SLC9A7: variants seen among roughly 807,000 people sequenced by gnomAD.
The protein encoded by SLC9A7 is sodium/hydrogen exchanger 7.
In SLC9A7, 19 loss-of-function variants were observed where a neutral mutation model predicts 52.6. That is an observed-to-expected ratio of 0.36 (90% confidence interval 0.25 to 0.53). The LOEUF is 0.53. Among genes scored for constraint, SLC9A7 ranks in the 20% least tolerant of loss-of-function variants. SLC9A7 has a pLI of 0.91. For missense variants in SLC9A7, 455 were observed against 597.9 expected, an observed-to-expected ratio of 0.76 and a Z score of 2.49; for synonymous variants, 226 against 252.1, an observed-to-expected ratio of 0.90 and a Z score of 0.98.
In SLC9A7 at chrX:46,646,526, T is replaced by C. The variant is rs1943494637; in HGVS notation, c.1462+2160A>G. The C allele has an allele frequency of 2.1e-5, 4 of 189,656 alleles. No individual in the cohort carries two copies. In the South Asian group the frequency reaches 3.7e-4, roughly 17 times the overall value. The allele number at this position is 189,656 out of a possible 1,213,427, so 15.6% of individuals were successfully genotyped here. On this transcript the variant is annotated intron_variant, in intron 11 of 16. Transcript: ENST00000616978. ...GATGTGGTCAGTGTGACATGTGTAG[T>C]GGGGAGGGGCAGAGGAAGGGACGGG...
intron 5 of SLC9A7, among the ~76,000 whole-genome samples, chrX:46,665,557 C>CAAAAAAAAAAAAA (rs754854403): frequency 4.6e-5 from 1 of 21,775 alleles, no homozygotes; most frequent in African/African-American, 1.4e-4. Context: ...GACTCCATCT[C>CAAAAAAAAAAAAA]AAAAAAAAAA....
At chrX:46,634,163 T>C (rs767289309) in intron 13 of SLC9A7, among the ~76,000 whole-genome samples, 17 of 111,951 alleles carry the variant, frequency 1.5e-4, no homozygotes, top group African/African-American at 5.5e-4. Flanking sequence ...ATTCCCCTGA[T>C]ACATCAGGGC....
At chrX:46,738,783 A>AAAAC (rs980784574) in intron 1 of SLC9A7, among the ~76,000 whole-genome samples, 3 of 108,562 alleles carry the variant, frequency 2.8e-5, no homozygotes, top group South Asian at 7.8e-4. Context: ...AAAAAAAAAC[A>AAAAC]AAACAAACAA....
chrX:46,640,699 C>A (rs1943393095), intron 12 of SLC9A7, among the ~76,000 whole-genome samples: 1 of 112,372 alleles, frequency 8.9e-6, no homozygotes, highest in South Asian at 3.6e-4. Flanking sequence ...AAGAAACAAA[C>A]AATCCAATTT....
chrX:46,626,360 C>T (rs928237054), intron 14 of SLC9A7, among the ~76,000 whole-genome samples: 2 of 109,926 alleles, frequency 1.8e-5, no homozygotes, highest in Non-Finnish European at 3.8e-5. Context: ...CTGCAACCTC[C>T]GCCTCCCGGG....
intron 1 of SLC9A7, among the ~76,000 whole-genome samples, chrX:46,752,142 A>G (rs1922278963): frequency 8.9e-6 from 1 of 112,123 alleles, no homozygotes; most frequent in Admixed American, 9.4e-5. Context: ...TGTTTTCTCT[A>G]TATAGGTGGT....
intron 12 of SLC9A7, among the ~76,000 whole-genome samples, chrX:46,638,478 A>G (rs1476174758): frequency 1.8e-5 from 2 of 112,337 alleles, no homozygotes; most frequent in African/African-American, 6.5e-5. Flanking sequence ...TTCTTTAGAA[A>G]AGATCAATAA....
chrX:46,658,178 A>G (rs1334002125), intron 7 of SLC9A7, among the ~76,000 whole-genome samples: 1 of 105,065 alleles, frequency 9.5e-6, no homozygotes, highest in African/African-American at 3.5e-5. Flanking sequence ...AACCAATGAG[A>G]ACAAAGACAC....
intron 1 of SLC9A7, among the ~76,000 whole-genome samples, chrX:46,726,704 T>C (rs1277800349): frequency 9.0e-6 from 1 of 111,347 alleles, no homozygotes; most frequent in Admixed American, 9.5e-5. Context: ...TTACTTATCT[T>C]TATATTAGGA....
chrX:46,667,422 C>G (rs1318750501), intron 5 of SLC9A7, among the ~76,000 whole-genome samples: 1 of 110,939 alleles, frequency 9.0e-6, no homozygotes, highest in Admixed American at 9.6e-5. Flanking sequence ...CAGAACCACA[C>G]AACTGTCTAG....
rs867669833 is a variant in SLC9A7 at position 46,637,401 on chromosome X, C to A, written c.1617-1753G>T. Reference sequence around the variant, plus strand: ...ATGTTATTACATAAAGAGCTCAGGGCTTCTCCCTGCCTTTATTCCTTATGT... The same window carrying A: ...ATGTTATTACATAAAGAGCTCAGGGATTCTCCCTGCCTTTATTCCTTATGT... On this transcript the variant is annotated intron_variant, in intron 12 of 16. Transcript: ENST00000616978. Among the ~76,000 whole-genome samples the A allele has an allele frequency of 1.2e-4, 13 of 112,707 alleles. No individual in the cohort carries two copies. The East Asian group carries it at 3.3e-3, about 29-fold the overall frequency.
chrX:46,613,381 T>A lies in SLC9A7; in HGVS notation c.1837A>T (p.Ile613Phe). The change falls in exon 16 of 17, where the codon ATC (isoleucine) becomes TTC (phenylalanine). Residue 613 changes from isoleucine (I) to phenylalanine (F), a missense_variant. By Grantham distance (21) the Ile-to-Phe change is conservative. This residue lies in a region of SLC9A7 where 146 missense variants were observed against 160.5 expected (regional missense o/e 0.91). Transcript: ENST00000616978. ...YSFDHNYLKPILTHSGPPLTT... is the reference protein window; with the variant it reads ...YSFDHNYLKPFLTHSGPPLTT... ...AGTGGGGGACCACTGTGTGTGAGGA[T>A]GGGCTTCAGGTAACTTTAAAATGTG... The A allele has an allele frequency of 6.7e-6, 8 of 1,192,294 alleles. No homozygotes were observed. Among genetic ancestry groups the A allele is most frequent in the Non-Finnish European group, 9.1e-6 (8 of 882,825 alleles).
At chrX:46,607,895 G>C (rs926261296) in intron 16 of SLC9A7, among the ~76,000 whole-genome samples, 5 of 112,141 alleles carry the variant, frequency 4.5e-5, no homozygotes, top group African/African-American at 1.6e-4. Context: ...ACAAAACAAG[G>C]GGAGGGCCAC....
At chrX:46,620,859 G>T in intron 15 of SLC9A7, 118 bp downstream of exon 15, 1 of 512,586 alleles carries the variant, frequency 2.0e-6, no homozygotes. Context: ...AAGAGGATGG[G>T]CTATCCCTGT....
At chrX:46,689,185 TTTTTG>T (rs763384894) in intron 1 of SLC9A7, among the ~76,000 whole-genome samples, 16 of 112,109 alleles carry the variant, frequency 1.4e-4, no homozygotes, top group South Asian at 3.7e-4. Flanking sequence ...CAACCACTGC[TTTTTG>T]TTTTGTTTTG....
chrX:46,707,601 C>T (rs1944623953), intron 1 of SLC9A7, among the ~76,000 whole-genome samples: 1 of 112,422 alleles, frequency 8.9e-6, no homozygotes, highest in South Asian at 3.7e-4. Context: ...ACTAAATAAC[C>T]TAGTTAAAGC....
rs756274086 is a variant in SLC9A7 at position 46,679,727 on chromosome X, T to A, written c.554A>T (p.Asn185Ile). The change falls in exon 3 of 17, where the codon AAC becomes ATC. Residue 185 changes from asparagine (N) to isoleucine (I), a missense_variant. This residue lies in a region of SLC9A7 where 304 missense variants were observed against 417.8 expected (regional missense o/e 0.73). Transcript: ENST00000616978. ...KVTFDPEVFFNILLPPIIFHA... is the reference protein window; with the variant it reads ...KVTFDPEVFFIILLPPIIFHA... ...AAAAATAATTGGAGGCAGAAGAATG[T>A]TGAAAAATACTTCTGGATCGAATGT... The A allele has an allele frequency of 8.3e-6, 10 of 1,200,578 alleles. No homozygotes were observed. Among genetic ancestry groups the A allele is most frequent in the Non-Finnish European group, 1.1e-5 (10 of 888,564 alleles).
At chrX:46,613,632 C>T (rs750721142) in intron 15 of SLC9A7, among the ~76,000 whole-genome samples, 11 of 111,923 alleles carry the variant, frequency 9.8e-5, no homozygotes, top group African/African-American at 1.6e-4. Flanking sequence ...TCAGTTCAAA[C>T]GTGTATTTGA....
intron 14 of SLC9A7, among the ~76,000 whole-genome samples, chrX:46,623,920 T>C (rs915855539): frequency 1.8e-5 from 2 of 111,829 alleles, no homozygotes; most frequent in African/African-American, 6.5e-5. Context: ...AAACCAACCA[T>C]GTAATTAGAG....
Sources: gnomAD v4.1 joint callset for allele counts (sites outside exome capture counted in the v4.1 genomes callset) on GRCh38, gnomAD v4.1.1 for gene constraint, gnomAD v4.1.1 regional missense constraint, MANE v1.5 for transcripts, NCBI Gene and HGNC (gene_info 2026-07-23, HGNC 2026-07-21) for gene names.